Variants in LPAR1 observed in about 807,000 individuals in gnomAD.
LPAR1 encodes the protein lysophosphatidic acid receptor 1.
Under a neutral mutation model 23.8 loss-of-function variants are expected in LPAR1, and 5 were observed. The ratio of observed to expected loss-of-function variants is 0.21; its 90% CI spans 0.11 to 0.44. The LOEUF is 0.44. Among genes scored for constraint, LPAR1 ranks in the 20% least tolerant of loss-of-function variants. The probability of loss-of-function intolerance (pLI) is 0.99; values close to 1 mark genes in which losing one functional copy is unlikely to be tolerated. For synonymous variants in LPAR1, 160 were observed against 164.7 expected (o/e 0.97, Z 0.22); for missense variants, 311 against 482.8 (o/e 0.64, Z 3.33).
intron 2 of LPAR1, among the ~76,000 whole-genome samples, chr9:110,991,489 T>C (rs1431563718): frequency 6.6e-6 from 1 of 152,114 alleles, no homozygotes; most frequent in Non-Finnish European, 1.5e-5. Context: ...CACCCAAACT[T>C]TGATGTGATT....
intron 4 of LPAR1, among the ~76,000 whole-genome samples, chr9:110,948,094 T>C (rs1342187723): frequency 6.6e-6 from 1 of 152,222 alleles, no homozygotes; most frequent in East Asian, 1.9e-4. Context: ...CTCAATTGTC[T>C]CATTTGTAAA....
At chr9:110,919,244 G>A (rs2135001649) in intron 5 of LPAR1, among the ~76,000 whole-genome samples, 1 of 150,756 alleles carries the variant, frequency 6.6e-6, no homozygotes, top group African/African-American at 2.4e-5. Flanking sequence ...CTCTCCCTCT[G>A]CCCACCCCCT....
intron 5 of LPAR1, among the ~76,000 whole-genome samples, chr9:110,880,986 C>A (rs1334831445): frequency 8.5e-5 from 13 of 152,168 alleles, no homozygotes; most frequent in Admixed American, 8.5e-4. Context: ...AAAGCTTATT[C>A]TTCCCCAGTC....
chr9:110,980,956 C>T (rs1338752177), intron 2 of LPAR1, among the ~76,000 whole-genome samples: 1 of 151,944 alleles, frequency 6.6e-6, no homozygotes, highest in African/African-American at 2.4e-5. Context: ...TATAGAGGAA[C>T]AAATCCCAAG....
intron 5 of LPAR1, among the ~76,000 whole-genome samples, chr9:110,930,617 TC>T (rs2094345622): frequency 6.6e-6 from 1 of 152,078 alleles, no homozygotes; most frequent in South Asian, 2.1e-4. Flanking sequence ...CAAATTGCTA[TC>T]TCTAGTCAAT....
At chr9:110,922,410 G>A (rs1167124432) in intron 5 of LPAR1, among the ~76,000 whole-genome samples, 1 of 152,114 alleles carries the variant, frequency 6.6e-6, no homozygotes, top group Non-Finnish European at 1.5e-5. Context: ...AAAACTCAGT[G>A]TGGAACAGAA....
chr9:110,923,088 A>T (rs2135270161), intron 5 of LPAR1, among the ~76,000 whole-genome samples: 1 of 152,010 alleles, frequency 6.6e-6, no homozygotes. Context: ...GACTTGCCCC[A>T]CTGAGTCCTA....
chr9:110,919,666 C>A (rs563416356), intron 5 of LPAR1, among the ~76,000 whole-genome samples: 1 of 152,324 alleles, frequency 6.6e-6, no homozygotes, highest in South Asian at 2.1e-4. Flanking sequence ...GCCAAGTTCT[C>A]CCACATTAGA....
In LPAR1 at chr9:111,038,379, C is replaced by G. The variant is rs1331958570; in HGVS notation, c.-474G>C. Reference sequence around the variant, plus strand: ...GCGGGGAGGGCTCCGCGGCTCCGGGCCCTGGCCGCCCCAGATCCGGCCCGC... The same window carrying G: ...GCGGGGAGGGCTCCGCGGCTCCGGGGCCTGGCCGCCCCAGATCCGGCCCGC... On this transcript the variant is annotated 5_prime_UTR_variant, in exon 1 of 6. Coordinates refer to ENST00000683809, the MANE Select transcript of LPAR1 (RefSeq NM_001351411.2). This position sits in a 1 kb window ranked among gnomAD's most constrained non-coding sequence, Gnocchi z 4.4. The G allele has an allele frequency of 4.3e-5, 8 of 186,328 alleles. No individual in the cohort carries two copies. In the South Asian group the frequency reaches 4.3e-4, roughly 10 times the overall value. The allele number at this position is 186,328 out of a possible 1,614,324, so 11.5% of individuals were successfully genotyped here. A position where few individuals can be genotyped will look rare whatever the true frequency, so the allele number is the denominator to read the frequency against.
chr9:110,985,066 C>G (rs913153098), intron 2 of LPAR1, among the ~76,000 whole-genome samples: 15 of 152,060 alleles, frequency 9.9e-5, no homozygotes, highest in African/African-American at 3.1e-4. Context: ...GACTCTACCC[C>G]CTTCACTGAC....
chr9:110,975,146 C>T (rs1488558753), intron 2 of LPAR1, among the ~76,000 whole-genome samples: 2 of 152,166 alleles, frequency 1.3e-5, no homozygotes, highest in Non-Finnish European at 2.9e-5. Flanking sequence ...GGTCCAATAT[C>T]ATTTCACCAA....
At chr9:111,025,640 G>T (rs1157779343) in intron 2 of LPAR1, among the ~76,000 whole-genome samples, 1 of 152,140 alleles carries the variant, frequency 6.6e-6, no homozygotes, top group Non-Finnish European at 1.5e-5. Context: ...GTCCTGAATG[G>T]TATTGCTTGG....
At chr9:110,905,517 TTTATTA>T (rs1283701015) in intron 5 of LPAR1, among the ~76,000 whole-genome samples, 2 of 151,704 alleles carry the variant, frequency 1.3e-5, no homozygotes, top group Non-Finnish European at 2.9e-5. Context: ...CAGCTAATTT[TTTATTA>T]TTATTATTTT....
chr9:111,006,497 T>C (rs2097220012), intron 2 of LPAR1, among the ~76,000 whole-genome samples: 1 of 152,202 alleles, frequency 6.6e-6, no homozygotes, highest in African/African-American at 2.4e-5. Context: ...AGTTCACCAT[T>C]GCCTGTGCAA....
At chr9:111,012,394 A>C (rs1352814837) in intron 2 of LPAR1, among the ~76,000 whole-genome samples, 1 of 152,102 alleles carries the variant, frequency 6.6e-6, no homozygotes, top group Non-Finnish European at 1.5e-5. Context: ...AGTGAAAACC[A>C]ATGCCTTATC....
chr9:111,020,423 C>T (rs57526654), intron 2 of LPAR1, among the ~76,000 whole-genome samples: 23,614 of 152,172 alleles, frequency 0.16, 2,201 homozygotes, highest in African/African-American at 0.25. Context: ...GACTAAACCC[C>T]TGCTTGAGTG....
At chr9:110,987,020 A>G (rs1283695502) in intron 2 of LPAR1, among the ~76,000 whole-genome samples, 2 of 152,146 alleles carry the variant, frequency 1.3e-5, no homozygotes, top group African/African-American at 4.8e-5. Context: ...ACCTTTCTGG[A>G]ATGCTAATAT....
At chr9:110,983,321 C>T (rs949078561) in intron 2 of LPAR1, among the ~76,000 whole-genome samples, 25 of 152,162 alleles carry the variant, frequency 1.6e-4, no homozygotes, top group African/African-American at 6.0e-4. Context: ...AATGGCTTAT[C>T]ATCCAGCCTT....
At chr9:110,969,666 C>T (rs562441206) in intron 4 of LPAR1, among the ~76,000 whole-genome samples, 2 of 151,284 alleles carry the variant, frequency 1.3e-5, no homozygotes, top group East Asian at 1.9e-4. Context: ...GAGACAAGAT[C>T]GTGCCACTAC....
Sources: allele counts gnomAD v4.1 joint callset (sites outside exome capture counted in the v4.1 genomes callset), GRCh38; gene constraint gnomAD v4.1.1; non-coding constraint Gnocchi (gnomAD v3.1); transcripts MANE v1.5; gene names NCBI Gene and HGNC (gene_info 2026-07-23, HGNC 2026-07-21).